The following GPR137B variants were observed in gnomAD, a reference collection of about 807,000 sequenced individuals.
The protein encoded by GPR137B is G protein-coupled receptor 137B.
GPR137B carries 42 observed loss-of-function variants against 42.5 expected under a neutral mutation model. That is an observed-to-expected ratio of 0.99 (90% confidence interval 0.77 to 1.28). The LOEUF (loss-of-function observed/expected upper bound fraction) is 1.28, where lower values mean the gene tolerates loss of function less well. GPR137B is among the 50% of genes most tolerant of loss of function. GPR137B has a pLI of 0.00. For synonymous variants in GPR137B, 218 were observed against 209.7 expected (o/e 1.04, Z -0.34); for missense variants, 487 against 493.9 (o/e 0.99, Z 0.13).
intron 5 of GPR137B, among the ~76,000 whole-genome samples, chr1:236,187,930 A>G (rs2102917286): frequency 6.6e-6 from 1 of 152,188 alleles, no homozygotes; most frequent in Admixed American, 6.5e-5. Context: ...CAGTATGGCC[A>G]TTTTCACAAT....
chr1:236,143,985 G>A (rs912206199), intron 1 of GPR137B, among the ~76,000 whole-genome samples: 1 of 152,076 alleles, frequency 6.6e-6, no homozygotes, highest in Non-Finnish European at 1.5e-5. Context: ...GGACTCTGCC[G>A]AAGGGGAAGG....
rs994334392 is a variant in GPR137B, at chr1:236,157,385, G to A, written c.415-11321G>A. ...ACTACAGGCGCCCGCCACCACGCCCGGCTAATTTTTTGTATTTTTAGTAGA... is the reference window on the plus strand; with the variant it reads ...ACTACAGGCGCCCGCCACCACGCCCAGCTAATTTTTTGTATTTTTAGTAGA... On this transcript the variant is annotated intron_variant, in intron 1 of 6. Coordinates refer to ENST00000366592, the MANE Select transcript of GPR137B (RefSeq NM_003272.4). Among the ~76,000 whole-genome samples the A allele has an allele frequency of 1.2e-4, 19 of 152,166 alleles. No individual in the cohort carries two copies. The Middle Eastern group carries it at 0.017, about 136-fold the overall frequency.
At chr1:236,152,571 A>C (rs1210910715) in intron 1 of GPR137B, among the ~76,000 whole-genome samples, 2 of 152,056 alleles carry the variant, frequency 1.3e-5, no homozygotes, top group Non-Finnish European at 2.9e-5. Context: ...ACCCTGGCCA[A>C]CACGGTGAAA....
At chr1:236,197,350 GC>G (rs1485969597) in intron 5 of GPR137B, among the ~76,000 whole-genome samples, 2 of 152,052 alleles carry the variant, frequency 1.3e-5, no homozygotes, top group Non-Finnish European at 1.5e-5. Context: ...TGTTTACTCT[GC>G]TGATTATTTC....
chr1:236,205,352 A>G, intron 6 of GPR137B, 102 bp downstream of exon 6: 5 of 960,106 alleles, frequency 5.2e-6, no homozygotes, highest in Middle Eastern at 4.5e-4. Flanking sequence ...AAAACTGTGC[A>G]GCCTTAGGTG....
intron 2 of GPR137B, among the ~76,000 whole-genome samples, chr1:236,170,917 A>G (rs1662514656): frequency 6.8e-6 from 1 of 147,878 alleles, no homozygotes; most frequent in Non-Finnish European, 1.5e-5. Context: ...TGGAGATTGC[A>G]GTGTGTGGAG....
In GPR137B at chr1:236,142,806, G is replaced by T; in HGVS notation, c.184G>T (p.Val62Leu). ...FYALLFVFIY[V>L]QLWLVLRYRH... ...CGCGCTGCTCTTCGTGTTCATCTACGTGCAGCTCTGGCTGGTGCTGCGTTA... is the reference window on the plus strand; with the variant it reads ...CGCGCTGCTCTTCGTGTTCATCTACTTGCAGCTCTGGCTGGTGCTGCGTTA... The change falls in exon 1 of 7, where the codon GTG becomes TTG. Residue 62 changes from valine to leucine, a missense_variant. Coordinates refer to ENST00000366592, the MANE Select transcript of GPR137B (RefSeq NM_003272.4). The T allele has an allele frequency of 1.2e-6, 2 of 1,613,898 alleles. No individual in the cohort carries two copies. The highest frequency in any genetic ancestry group is 2.2e-5 in the East Asian group (1 of 44,866).
In GPR137B at chr1:236,207,375, A is replaced by C. The variant is rs925242547; in HGVS notation, c.1092-675A>C. The C allele has an allele frequency of 6.6e-6, 4 of 602,256 alleles. No individual in the cohort carries two copies. The African/African-American group carries it at 8.0e-5, about 12-fold the overall frequency. The allele number at this position is 602,256 out of a possible 1,614,324, so 37.3% of individuals were successfully genotyped here. ...GATTCTGAGCTCCACCTCTTCCTTA[A>C]AACTGTTCTTTTCCAGTTACCCCAC... On this transcript the variant is annotated intron_variant, in intron 6 of 6. Transcript: ENST00000366592.
chr1:236,181,724 A>G (rs1423304281), intron 4 of GPR137B, among the ~76,000 whole-genome samples: 2 of 152,184 alleles, frequency 1.3e-5, no homozygotes, highest in East Asian at 3.8e-4. Context: ...AACCAACACC[A>G]CAAACACAGG....
intron 1 of GPR137B, among the ~76,000 whole-genome samples, chr1:236,144,064 G>C (rs1277566717): frequency 6.7e-6 from 1 of 150,084 alleles, no homozygotes; most frequent in Non-Finnish European, 1.5e-5. Flanking sequence ...GTGCAAGCAG[G>C]CATCTCATTC....
intron 6 of GPR137B, among the ~76,000 whole-genome samples, chr1:236,207,433 C>T (rs1663695837): frequency 6.6e-6 from 1 of 152,168 alleles, no homozygotes; most frequent in Non-Finnish European, 1.5e-5. Context: ...CCCCTTTAAA[C>T]CCATATTCTG....
chr1:236,147,589 G>T (rs1234824237), intron 1 of GPR137B, among the ~76,000 whole-genome samples: 1 of 152,192 alleles, frequency 6.6e-6, no homozygotes, highest in Non-Finnish European at 1.5e-5. Flanking sequence ...CTCCTTGCGT[G>T]CCTAGGGGCC....
rs1160645210 is a variant in GPR137B at position 236,169,228 on chromosome 1, ACAGGTG to A, written c.464+495_464+500del. Reference sequence around the variant, plus strand: ...TGCAGGTGCAGGTACAGGTACAGGTACAGGTGCAGGTGCAGGTGCAGGTGCAGCTGT... The same window carrying A: ...TGCAGGTGCAGGTACAGGTACAGGTACAGGTGCAGGTGCAGGTGCAGCTGT... On this transcript the variant is annotated intron_variant, in intron 2 of 6. Transcript: ENST00000366592. Among the ~76,000 whole-genome samples, 123 of 126,590 alleles carry A rather than the reference ACAGGTG, an allele frequency of 9.7e-4. 1 individual carries two copies. Among genetic ancestry groups the A allele is most frequent in the South Asian group, 5.2e-3 (22 of 4,266 alleles). The allele number at this position is 126,590 out of a possible 152,430, so 83.0% of individuals were successfully genotyped here.
chr1:236,177,781 C>G (rs892624484), intron 2 of GPR137B, among the ~76,000 whole-genome samples: 14 of 151,900 alleles, frequency 9.2e-5, no homozygotes, highest in Admixed American at 2.6e-4. Flanking sequence ...GTCTTGAACT[C>G]CTGACCTCAA....
chr1:236,154,034 C>T (rs1224872748), intron 1 of GPR137B, among the ~76,000 whole-genome samples: 1 of 152,118 alleles, frequency 6.6e-6, no homozygotes, highest in African/African-American at 2.4e-5. Context: ...AGGGCCCCTT[C>T]CTTGGGTGCC....
rs1036941589 is a variant in GPR137B, at chr1:236,156,489, C to T, written c.415-12217C>T. Among the ~76,000 whole-genome samples the T allele has an allele frequency of 1.3e-5, 2 of 152,232 alleles. No individual in the cohort carries two copies. Among genetic ancestry groups the T allele is most frequent in the African/African-American group, 4.8e-5 (2 of 41,470 alleles). On this transcript the variant is annotated intron_variant, in intron 1 of 6. Transcript: ENST00000366592. The surrounding 1 kb of genome is among the most constrained non-coding windows in gnomAD (Gnocchi z 4.8). ...TGGTGGTTATCCAGGTCCTGAGTCCCTGGACCTATAGCCCACAGCTGACGT... is the reference window on the plus strand; with the variant it reads ...TGGTGGTTATCCAGGTCCTGAGTCCTTGGACCTATAGCCCACAGCTGACGT...
At chr1:236,161,340 G>A (rs183820948) in intron 1 of GPR137B, among the ~76,000 whole-genome samples, 53 of 151,892 alleles carry the variant, frequency 3.5e-4, no homozygotes, top group African/African-American at 1.1e-3. Context: ...CCCCAGCTCC[G>A]GGCTCCTGCA....
intron 5 of GPR137B, among the ~76,000 whole-genome samples, chr1:236,192,196 C>T (rs1414692738): frequency 2.6e-5 from 4 of 152,128 alleles, no homozygotes; most frequent in Non-Finnish European, 5.9e-5. Flanking sequence ...TGTCCCAGGT[C>T]GACCTCAGAC....
At chr1:236,190,235 G>C (rs1288881393) in intron 5 of GPR137B, among the ~76,000 whole-genome samples, 2 of 146,204 alleles carry the variant, frequency 1.4e-5, no homozygotes, top group African/African-American at 5.1e-5. Context: ...CTTTTCACGT[G>C]AGATGGGTCT....
Sources: gnomAD v4.1 joint callset for allele counts (sites outside exome capture counted in the v4.1 genomes callset) on GRCh38, gnomAD v4.1.1 for gene constraint, Gnocchi (gnomAD v3.1) non-coding constraint, MANE v1.5 for transcripts, NCBI Gene and HGNC (gene_info 2026-07-23, HGNC 2026-07-21) for gene names.